TBC1D22A: variants seen among roughly 807,000 people sequenced by gnomAD.
TBC1D22A encodes the protein putative GTPase activator.
A neutral mutation model predicts 60.2 loss-of-function variants in TBC1D22A; 38 were observed. The observed-to-expected ratio is 0.63, with a 90% CI of 0.49 to 0.83. The LOEUF is 0.83. Ranked by LOEUF, TBC1D22A falls within the 40% of genes least tolerant of loss-of-function variation. The probability of loss-of-function intolerance (pLI) is 0.00; values close to 1 mark genes in which losing one functional copy is unlikely to be tolerated. For synonymous variants in TBC1D22A, 302 were observed against 281.7 expected (o/e 1.07, Z -0.72); for missense variants, 628 against 701.0 (o/e 0.90, Z 1.18).
chr22:47,024,164 A>T (rs562343769), intron 10 of TBC1D22A, among the ~76,000 whole-genome samples: 1 of 152,336 alleles, frequency 6.6e-6, no homozygotes, highest in South Asian at 2.1e-4. Flanking sequence ...GTGGTAAGGC[A>T]GGGACACATA....
intron 8 of TBC1D22A, among the ~76,000 whole-genome samples, chr22:46,963,454 G>A (rs181697519): frequency 4.0e-4 from 49 of 122,824 alleles, no homozygotes; most frequent in African/African-American, 1.3e-3. Context: ...GCTTTCTCCC[G>A]GCCAAGTGTA....
intron 8 of TBC1D22A, among the ~76,000 whole-genome samples, chr22:46,954,354 A>G (rs1014799639): frequency 7.9e-5 from 12 of 152,248 alleles, no homozygotes; most frequent in Admixed American, 6.5e-4. Flanking sequence ...ACTGCGGTCA[A>G]CACTGGGAAG....
At chr22:47,001,521 G>T (rs1366009107) in intron 10 of TBC1D22A, among the ~76,000 whole-genome samples, 1 of 150,342 alleles carries the variant, frequency 6.7e-6, no homozygotes, top group African/African-American at 2.4e-5. Context: ...CTTACCTCTT[G>T]TTTCTGTCAA....
intron 12 of TBC1D22A, among the ~76,000 whole-genome samples, chr22:47,159,663 A>C (rs180690421): frequency 0.01 from 1,581 of 151,600 alleles, 20 homozygotes; most frequent in African/African-American, 0.036. Context: ...TATACACAGT[A>C]CACACATGCA....
At chr22:46,982,169 C>T (rs1053019850) in intron 9 of TBC1D22A, among the ~76,000 whole-genome samples, 8 of 151,296 alleles carry the variant, frequency 5.3e-5, no homozygotes, top group East Asian at 1.9e-4. Context: ...GTACTTGGGC[C>T]TGATCACTCA....
At chr22:46,762,904 C>T (rs1216851738) in intron 1 of TBC1D22A, 56 bp downstream of exon 1, 9 of 1,439,536 alleles carry the variant, frequency 6.3e-6, no homozygotes, top group South Asian at 1.4e-5. Context: ...CAGGTGGCCG[C>T]GTTGGCCTCC....
At chr22:47,059,542 G>A (rs777988299) in intron 11 of TBC1D22A, among the ~76,000 whole-genome samples, 14 of 152,220 alleles carry the variant, frequency 9.2e-5, no homozygotes, top group Non-Finnish European at 1.5e-4. Flanking sequence ...GAGCAAGTCT[G>A]TGTCTGTCAC....
At chr22:46,951,153 C>A (rs1434409986) in intron 8 of TBC1D22A, among the ~76,000 whole-genome samples, 1 of 152,166 alleles carries the variant, frequency 6.6e-6, no homozygotes, top group Non-Finnish European at 1.5e-5. Context: ...ACAATCCTTG[C>A]AGCTTTTCTT....
At chr22:47,054,517 C>T (rs1197388602) in intron 11 of TBC1D22A, among the ~76,000 whole-genome samples, 2 of 152,210 alleles carry the variant, frequency 1.3e-5, no homozygotes, top group Non-Finnish European at 2.9e-5. Flanking sequence ...TGCTTGGGCG[C>T]CTTTCTGTGG....
At chr22:47,133,756 G>A (rs1330676133) in intron 12 of TBC1D22A, among the ~76,000 whole-genome samples, 1 of 152,206 alleles carries the variant, frequency 6.6e-6, no homozygotes, top group Non-Finnish European at 1.5e-5. Flanking sequence ...GTGTGGCCCT[G>A]TGCCTGCGCG....
At chr22:47,008,858 G>A (rs1246898931) in intron 10 of TBC1D22A, among the ~76,000 whole-genome samples, 3 of 152,360 alleles carry the variant, frequency 2.0e-5, no homozygotes, top group Middle Eastern at 3.4e-3. Flanking sequence ...CCACCGGGAA[G>A]TTAGAAGGAA....
At chr22:47,074,474 CT>C in intron 11 of TBC1D22A, among the ~76,000 whole-genome samples, 1 of 152,366 alleles carries the variant, frequency 6.6e-6, no homozygotes, top group East Asian at 1.9e-4. Context: ...AACTTCAAAA[CT>C]TTTTCTCTGG....
chr22:47,037,498 G>A (rs1260537455), intron 11 of TBC1D22A, among the ~76,000 whole-genome samples: 1 of 152,124 alleles, frequency 6.6e-6, no homozygotes, highest in African/African-American at 2.4e-5. Context: ...CAAGTGTGGT[G>A]GCCCACACCT....
At chr22:46,930,216 C>T (rs2071278199) in intron 8 of TBC1D22A, among the ~76,000 whole-genome samples, 1 of 152,138 alleles carries the variant, frequency 6.6e-6, no homozygotes, top group Non-Finnish European at 1.5e-5. Context: ...GCAGTCTGCT[C>T]CTGTGTTACC....
intron 12 of TBC1D22A, among the ~76,000 whole-genome samples, chr22:47,159,121 C>CA (rs1442927071): frequency 6.6e-6 from 1 of 150,600 alleles, no homozygotes; most frequent in Non-Finnish European, 1.5e-5. Context: ...CATATATACA[C>CA]ACACACACCA....
At chr22:46,941,538 C>T (rs1157472922) in intron 8 of TBC1D22A, among the ~76,000 whole-genome samples, 4 of 137,686 alleles carry the variant, frequency 2.9e-5, no homozygotes, top group South Asian at 2.2e-4. Context: ...AATATATATA[C>T]GGAATATATA....
chr22:46,937,774 A>G lies in TBC1D22A; in HGVS notation c.1015+25586A>G, dbSNP rs146663067. ...TGATATTGATGATCCTGTGATATGA[A>G]TGATCCTGACCCTGTGTAGGCCTAG... On this transcript the variant is annotated intron_variant, in intron 8 of 12. Transcript: ENST00000337137. 3.8e-3 allele frequency among the ~76,000 whole-genome samples: 571 copies of G among 152,242 alleles called. 5 individuals carry two copies. The highest frequency in any genetic ancestry group is 0.013 in the African/African-American group (538 of 41,544).
chr22:47,006,985 C>T (rs539085596), intron 10 of TBC1D22A, among the ~76,000 whole-genome samples: 18 of 152,274 alleles, frequency 1.2e-4, no homozygotes, highest in Admixed American at 6.5e-4. Context: ...GGGACAATAA[C>T]GCATAAGCAG....
At chr22:47,134,665 A>G (rs1021716926) in intron 12 of TBC1D22A, among the ~76,000 whole-genome samples, 21 of 145,100 alleles carry the variant, frequency 1.4e-4, no homozygotes, top group Admixed American at 2.0e-4. Context: ...CCCACCCACG[A>G]GGCTGCGTCC....
Sources: gnomAD v4.1 joint callset for allele counts (sites outside exome capture counted in the v4.1 genomes callset) on GRCh38, gnomAD v4.1.1 for gene constraint, MANE v1.5 for transcripts, NCBI Gene and HGNC (gene_info 2026-07-23, HGNC 2026-07-21) for gene names.